The following TOM1L2 variants were observed in gnomAD, a reference collection of about 807,000 sequenced individuals.
The protein encoded by TOM1L2 is target of myb1 like 2 membrane trafficking protein.
TOM1L2 carries 31 observed loss-of-function variants against 67.9 expected under a neutral mutation model. That is an observed-to-expected ratio of 0.46 (90% CI 0.34 to 0.62). The LOEUF (loss-of-function observed/expected upper bound fraction) is 0.62. Among genes scored for constraint, TOM1L2 ranks in the 20% least tolerant of loss-of-function variants. The probability of loss-of-function intolerance (pLI) is 0.01; values close to 1 mark genes in which losing one functional copy is unlikely to be tolerated. For missense variants in TOM1L2, 606 were observed against 663.5 expected (o/e 0.91, Z 0.95); for synonymous variants, 256 against 254.0 (o/e 1.01, Z -0.07).
chr17:17,858,800 C>G (rs2036394095), intron 12 of TOM1L2: 1 of 152,290 alleles, frequency 6.6e-6, no homozygotes, highest in Non-Finnish European at 1.5e-5. Context: ...CCAGGACGGT[C>G]TCAATCTCCT....
chr17:17,862,867 T>C lies in TOM1L2; in HGVS notation c.1085-19A>G. 6.8e-7 allele frequency: 1 copy of C among 1,476,096 alleles called. No individual in the cohort carries two copies. Among genetic ancestry groups the C allele is most frequent in the Non-Finnish European group, 9.1e-7 (1 of 1,093,746 alleles). 91.4% of individuals were successfully genotyped at this position (1,476,096 alleles called of 1,614,324 possible). The stretch of plus-strand genomic sequence containing the variant: ...CCCAAGTCTGTGGCAACAAAACAAA[T>C]GGGTGGCAGATGAGAACAAAATGTA... On this transcript the variant is annotated intron_variant, in intron 10 of 14. Transcript: ENST00000379504.
intron 12 of TOM1L2, among the ~76,000 whole-genome samples, chr17:17,851,613 A>G (rs1404759566): frequency 1.3e-5 from 2 of 152,158 alleles, no homozygotes; most frequent in Non-Finnish European, 2.9e-5. Context: ...AGCAAAAACG[A>G]GGGCTCTGAT....
intron 1 of TOM1L2, among the ~76,000 whole-genome samples, chr17:17,913,198 C>T (rs971718020): frequency 2.7e-5 from 4 of 149,634 alleles, no homozygotes; most frequent in South Asian, 2.3e-4. Flanking sequence ...AGAGGGAGAC[C>T]GTGGGGAGAC....
intron 1 of TOM1L2, among the ~76,000 whole-genome samples, chr17:17,954,343 G>A (rs1315322227): frequency 7.2e-5 from 10 of 138,712 alleles, no homozygotes; most frequent in Admixed American, 6.9e-4. Context: ...ATGGAGCTTC[G>A]CTTTTGACAC....
Position 17,847,517 on chromosome 17 carries a change from C to T in TOM1L2, c.*118G>A. The T allele has an allele frequency of 7.3e-7, 1 of 1,371,126 alleles. No homozygotes were observed. 84.9% of individuals were successfully genotyped at this position (1,371,126 alleles called of 1,614,324 possible). ...CCTGGGAGCAGACACGGTGGCATTT[C>T]CATGGAAACACAGGTGTGCAGGCCG... is the stretch of plus-strand genomic sequence containing the variant. On this transcript the variant is annotated 3_prime_UTR_variant, in exon 15 of 15. Coordinates refer to ENST00000379504, the MANE Select transcript of TOM1L2 (RefSeq NM_001082968.2).
rs1432801715 is a variant in TOM1L2, at chr17:17,893,648, G to C, written c.366+13C>G. ...ACTCTGTTCCAACAAATTGGGCAAG[G>C]GGTCCAACCTACCTGGATCAGAGCA... On this transcript the variant is annotated intron_variant, in intron 4 of 14. Transcript: ENST00000379504. 7 of 1,611,482 alleles carry C rather than the reference G, an allele frequency of 4.3e-6. No individual in the cohort carries two copies. The highest frequency in any genetic ancestry group is 4.2e-6 in the Non-Finnish European group (5 of 1,178,620).
chr17:17,956,356 T>C (rs544550849), intron 1 of TOM1L2, among the ~76,000 whole-genome samples: 38 of 152,322 alleles, frequency 2.5e-4, no homozygotes, highest in African/African-American at 8.4e-4. Context: ...AGAGTGCTGA[T>C]TGGTGTATTT....
At position 17,868,409 on chromosome 17, in the gene TOM1L2, C is replaced by G. The variant is rs1249205151; in HGVS notation, c.911+931G>C. ...AATGCAAGCATCTGTCCCACTCACC[C>G]TAACTGATGCCAGGTCCTTGTCCTC... is the stretch of plus-strand genomic sequence containing the variant. On this transcript the variant is annotated intron_variant, in intron 8 of 14. Coordinates refer to ENST00000379504, the MANE Select transcript of TOM1L2 (RefSeq NM_001082968.2). Among the ~76,000 whole-genome samples the G allele has an allele frequency of 7.2e-5, 11 of 152,346 alleles. No individual in the cohort carries two copies. In the South Asian group the frequency reaches 2.1e-3, roughly 29 times the overall value.
At chr17:17,966,628 T>G (rs1166171776) in intron 1 of TOM1L2, among the ~76,000 whole-genome samples, 1 of 152,150 alleles carries the variant, frequency 6.6e-6, no homozygotes, top group Non-Finnish European at 1.5e-5. Context: ...AAAAGTAACA[T>G]AAATGGCAGC....
chr17:17,972,296 C>T lies in TOM1L2; in HGVS notation c.18G>A (p.Gly6=). MEFLL[G]NPFSTPVGQC... is the part of the protein sequence containing the mutation. ...GCCCCACTGGTGTGCTGAACGGGTT[C>T]CCCAGGAGGAACTCCATCTTGGGTG... Residue 6 remains glycine, a synonymous_variant, in exon 1 of 15, where the codon GGG becomes GGA. Coordinates refer to ENST00000379504, the MANE Select transcript of TOM1L2 (RefSeq NM_001082968.2). The T allele has an allele frequency of 6.4e-7, 1 of 1,552,040 alleles. No individual in the cohort carries two copies. The highest frequency in any genetic ancestry group is 8.7e-7 in the Non-Finnish European group (1 of 1,148,420).
chr17:17,916,934 G>A (rs2039650712), intron 1 of TOM1L2, among the ~76,000 whole-genome samples: 1 of 152,146 alleles, frequency 6.6e-6, no homozygotes, highest in Non-Finnish European at 1.5e-5. Context: ...GAGGCAGGTG[G>A]ATCACGAGGT....
At chr17:17,913,167 G>A (rs937205169) in intron 1 of TOM1L2, among the ~76,000 whole-genome samples, 1 of 124,204 alleles carries the variant, frequency 8.1e-6, no homozygotes, top group African/African-American at 2.6e-5. Context: ...GGCATGAGAG[G>A]GAGACCGTGG....
chr17:17,919,915 T>C (rs2039786039), intron 1 of TOM1L2, among the ~76,000 whole-genome samples: 1 of 152,084 alleles, frequency 6.6e-6, no homozygotes, highest in South Asian at 2.1e-4. Flanking sequence ...TGAAGCCTGG[T>C]GGGGTGACTA....
chr17:17,884,955 T>C (rs1598264908), intron 4 of TOM1L2, among the ~76,000 whole-genome samples, 187 bp from the exon 5 acceptor site: 1 of 152,382 alleles, frequency 6.6e-6, no homozygotes, highest in African/African-American at 2.4e-5. Context: ...GGTGAAACCC[T>C]GGCTTTCAAT....
Position 17,884,625 on chromosome 17 carries a change from G to A in TOM1L2, c.501+9C>T. 5 of 1,613,880 alleles carry A rather than the reference G, an allele frequency of 3.1e-6. No homozygotes were observed. The highest frequency in any genetic ancestry group is 4.2e-6 in the Non-Finnish European group (5 of 1,179,964). ...AGGTCTTTCTAGAAAGTGCCAGCTGGAAGCTTACCCGCTGTGGTGTGTGTA... is the reference window on the plus strand; with the variant it reads ...AGGTCTTTCTAGAAAGTGCCAGCTGAAAGCTTACCCGCTGTGGTGTGTGTA... On this transcript the variant is annotated intron_variant, in intron 5 of 14. Coordinates refer to ENST00000379504, the MANE Select transcript of TOM1L2 (RefSeq NM_001082968.2).
chr17:17,964,161 C>A (rs1256186849), intron 1 of TOM1L2, among the ~76,000 whole-genome samples: 8 of 152,188 alleles, frequency 5.3e-5, no homozygotes, highest in Non-Finnish European at 1.2e-4. Context: ...ACATATGTAA[C>A]CAAGTCTGAG....
In TOM1L2 at chr17:17,972,114, C is replaced by T. The variant is rs11653828; in HGVS notation, c.52+148G>A. The T allele has an allele frequency of 9.0e-3, 8,940 of 994,332 alleles. 49 individuals are homozygous for T. Among genetic ancestry groups the T allele is most frequent in the Non-Finnish European group, 0.011 (7,887 of 695,606 alleles). 61.6% of individuals were successfully genotyped at this position (994,332 alleles called of 1,614,324 possible). A position where few individuals can be genotyped will look rare whatever the true frequency, so the allele number is the denominator to read the frequency against. On this transcript the variant is annotated intron_variant, in intron 1 of 14. Coordinates refer to ENST00000379504, the MANE Select transcript of TOM1L2 (RefSeq NM_001082968.2). Reference sequence around the variant, plus strand: ...CGGCAAAGGCCCGACGACCAGGATGCCCAGCCCGCTCGTGGAGTGGCACCC... The same window carrying T: ...CGGCAAAGGCCCGACGACCAGGATGTCCAGCCCGCTCGTGGAGTGGCACCC...
At chr17:17,906,612 C>T (rs1181294798) in intron 2 of TOM1L2, among the ~76,000 whole-genome samples, 1 of 152,218 alleles carries the variant, frequency 6.6e-6, no homozygotes, top group Non-Finnish European at 1.5e-5. Context: ...TTGTTCACTG[C>T]TGTGTCCTCA....
Position 17,847,195 on chromosome 17 carries a change from C to T in TOM1L2, c.*440G>A. 5.2e-6 allele frequency: 1 copy of T among 193,334 alleles called. No homozygotes were observed. The allele number at this position is 193,334 out of a possible 1,614,324, so 12.0% of individuals were successfully genotyped here. ...CTGCTCTTCCAGAGATGCCACAAAG[C>T]CCCTTCAGGGAGAGAGGGGCCCAGG... On this transcript the variant is annotated 3_prime_UTR_variant, in exon 15 of 15. Transcript: ENST00000379504.
Sources: allele counts gnomAD v4.1 joint callset (sites outside exome capture counted in the v4.1 genomes callset), GRCh38; gene constraint gnomAD v4.1.1; transcripts MANE v1.5; gene names NCBI Gene and HGNC (gene_info 2026-07-23, HGNC 2026-07-21).